The following ASPH variants were observed in gnomAD, a reference collection of about 807,000 sequenced individuals.
ASPH encodes aspartate beta-hydroxylase, also known as aspartyl/asparaginyl beta-hydroxylase.
A neutral mutation model predicts 118.4 loss-of-function variants in ASPH; 100 were observed. The ratio of observed to expected loss-of-function variants is 0.84; its 90% CI spans 0.72 to 1.00. ASPH has a LOEUF of 1.00. ASPH is among the 50% of genes least tolerant of loss of function. The pLI is 0.00. For missense variants in ASPH, 920 were observed against 919.5 expected, an observed-to-expected ratio of 1.00 and a Z score of -0.01; for synonymous variants, 315 against 325.6, an observed-to-expected ratio of 0.97 and a Z score of 0.35.
intron 6 of ASPH, among the ~76,000 whole-genome samples, chr8:61,645,005 C>T (rs980389252): frequency 6.6e-6 from 1 of 152,148 alleles, no homozygotes; most frequent in Admixed American, 6.5e-5. Flanking sequence ...AGCGAAAGTA[C>T]AGCAACTATG....
At chr8:61,601,536 T>C (rs1427682238) in intron 14 of ASPH, among the ~76,000 whole-genome samples, 5 of 140,576 alleles carry the variant, frequency 3.6e-5, no homozygotes, top group Non-Finnish European at 7.5e-5. Context: ...TGAGACTCCA[T>C]CTCAAAAAAA....
intron 13 of ASPH, among the ~76,000 whole-genome samples, chr8:61,632,962 G>A (rs1398558723): frequency 6.6e-6 from 1 of 152,098 alleles, no homozygotes; most frequent in East Asian, 1.9e-4. Context: ...AAATACACTT[G>A]GGAAAGAGGT....
chr8:61,681,091 A>G, intron 2 of ASPH, 55 bp from the exon 3 acceptor site: 1 of 1,420,612 alleles, frequency 7.0e-7, no homozygotes, highest in Middle Eastern at 1.9e-4. Flanking sequence ...GAAATTTAAT[A>G]AGGTATTATA....
intron 4 of ASPH, among the ~76,000 whole-genome samples, chr8:61,652,846 A>G (rs914142552): frequency 6.6e-6 from 1 of 152,216 alleles, no homozygotes; most frequent in African/African-American, 2.4e-5. Flanking sequence ...TTGGCCTTAA[A>G]GGAAAAAAAA....
intron 13 of ASPH, chr8:61,624,279 A>G: frequency 1.0e-6 from 1 of 985,406 alleles, no homozygotes; most frequent in Non-Finnish European, 1.2e-6. Context: ...CAAAACTTCT[A>G]GGTGCAGGAC....
intron 5 of ASPH, among the ~76,000 whole-genome samples, chr8:61,650,797 C>A (rs1211054895): frequency 6.6e-6 from 1 of 152,146 alleles, no homozygotes; most frequent in Non-Finnish European, 1.5e-5. Flanking sequence ...TGTTTTCAAT[C>A]TGTTCATTCT....
intron 1 of ASPH, among the ~76,000 whole-genome samples, chr8:61,711,043 TTATC>T (rs1425754118): frequency 6.6e-6 from 1 of 151,624 alleles, no homozygotes. Flanking sequence ...TTTTAAGTGC[TTATC>T]TATCAATAGT....
Position 61,642,915 on chromosome 8 carries a change from C to T in ASPH, c.763G>A (p.Val255Ile). The change falls in exon 10 of 25, where the codon GTA becomes ATA. Residue 255 changes from valine (V) to isoleucine (I), a missense_variant. By Grantham distance (29) the Val-to-Ile change is conservative (BLOSUM62 3). Transcript: ENST00000379454. ...DERLHHDTDDVTYQVYEEQAV... is the reference protein window; with the variant it reads ...DERLHHDTDDITYQVYEEQAV... ...TGTTCCTCATAGACTTGGTATGTTACATCATCTGAAAAAAAAAAGAGAATA... is the reference window on the plus strand; with the variant it reads ...TGTTCCTCATAGACTTGGTATGTTATATCATCTGAAAAAAAAAAGAGAATA... 2.0e-6 allele frequency: 3 copies of T among 1,531,246 alleles called. No homozygotes were observed. Among genetic ancestry groups the T allele is most frequent in the Non-Finnish European group, 2.6e-6 (3 of 1,145,842 alleles). The allele number at this position is 1,531,246 out of a possible 1,614,324, so 94.9% of individuals were successfully genotyped here.
At chr8:61,591,056 C>A (rs186620682) in intron 14 of ASPH, among the ~76,000 whole-genome samples, 2 of 152,264 alleles carry the variant, frequency 1.3e-5, no homozygotes, top group Non-Finnish European at 2.9e-5. Flanking sequence ...ACTCTCCCCC[C>A]TCACTCCCAC....
chr8:61,569,210 GA>G (rs1377821336), intron 16 of ASPH, among the ~76,000 whole-genome samples: 1 of 152,144 alleles, frequency 6.6e-6, no homozygotes, highest in African/African-American at 2.4e-5. Flanking sequence ...TTCTTAGCTG[GA>G]AACTGAGAAT....
At position 61,548,516 on chromosome 8, in the gene ASPH, C is replaced by A. The variant is rs575637898; in HGVS notation, c.1627-308G>T. On this transcript the variant is annotated intron_variant, in intron 20 of 24. Transcript: ENST00000379454. ...CGAGTGTCCAGCAGGGAGTCGAGCA[C>A]TTATTTTTTGAATGAATAAATAAGA... Among the ~76,000 whole-genome samples, 11 of 152,244 alleles carry A rather than the reference C, an allele frequency of 7.2e-5. 1 individual carries two copies. The South Asian group carries it at 2.3e-3, about 32-fold the overall frequency.
intron 3 of ASPH, chr8:61,664,805 A>T (rs1169465318): frequency 1.0e-6 from 1 of 988,330 alleles, no homozygotes; most frequent in Admixed American, 6.1e-5. Flanking sequence ...CACGAAAGAG[A>T]AAAACAGGGA....
chr8:61,693,406 G>A (rs902871942), intron 1 of ASPH, among the ~76,000 whole-genome samples: 1 of 152,192 alleles, frequency 6.6e-6, no homozygotes, highest in East Asian at 1.9e-4. Flanking sequence ...TGACTGTAAA[G>A]TGTCACAAGA....
chr8:61,557,430 C>T (rs1828274415), intron 18 of ASPH, among the ~76,000 whole-genome samples: 1 of 152,090 alleles, frequency 6.6e-6, no homozygotes, highest in Non-Finnish European at 1.5e-5. Context: ...TTCACAGTAT[C>T]CCTCTGGCTC....
chr8:61,597,196 GAAAAAAA>G (rs34291472), intron 14 of ASPH, among the ~76,000 whole-genome samples: 1 of 112,804 alleles, frequency 8.9e-6, no homozygotes, highest in African/African-American at 3.5e-5. Context: ...ATCCAGTCAG[GAAAAAAA>G]AAAAAAAAAA....
intron 1 of ASPH, chr8:61,689,628 C>T: frequency 6.6e-7 from 1 of 1,525,712 alleles, no homozygotes; most frequent in Non-Finnish European, 9.0e-7. Flanking sequence ...GAAAAGCTGT[C>T]AGCTAGATCT....
chr8:61,623,110 G>T (rs926202177), intron 13 of ASPH, among the ~76,000 whole-genome samples: 1 of 152,190 alleles, frequency 6.6e-6, no homozygotes, highest in African/African-American at 2.4e-5. Context: ...AGGTGGGGCA[G>T]TAGTTCTATT....
chr8:61,525,737 T>C (rs1374816256), intron 22 of ASPH, among the ~76,000 whole-genome samples: 1 of 152,186 alleles, frequency 6.6e-6, no homozygotes, highest in East Asian at 1.9e-4. Context: ...TATTCATGAA[T>C]ATTTATCCAA....
chr8:61,584,352 C>T (rs1021749454), intron 14 of ASPH, among the ~76,000 whole-genome samples: 4 of 152,234 alleles, frequency 2.6e-5, no homozygotes, highest in African/African-American at 9.7e-5. Context: ...CTCTCATAAT[C>T]TACTTCTTGG....
Sources: gnomAD v4.1 joint callset for allele counts (sites outside exome capture counted in the v4.1 genomes callset) on GRCh38, gnomAD v4.1.1 for gene constraint, MANE v1.5 for transcripts, NCBI Gene and HGNC (gene_info 2026-07-23, HGNC 2026-07-21) for gene names.